WWP2: variants seen among roughly 807,000 people sequenced by gnomAD.
WWP2 encodes the protein WW domain containing E3 ubiquitin protein ligase 2, also known as NEDD4-like E3 ubiquitin-protein ligase WWP2.
WWP2 carries 57 observed loss-of-function variants against 121.0 expected under a neutral mutation model. The ratio of observed to expected loss-of-function variants is 0.47; its 90% CI spans 0.38 to 0.59. The LOEUF (loss-of-function observed/expected upper bound fraction) is 0.59. WWP2 is among the 20% of genes least tolerant of loss of function. The pLI is 0.00. For synonymous variants in WWP2, 449 were observed against 441.3 expected (o/e 1.02, Z -0.22); for missense variants, 962 against 1,158.9 (o/e 0.83, Z 2.47).
intron 6 of WWP2, among the ~76,000 whole-genome samples, chr16:69,870,896 G>A (rs1486456329): frequency 6.6e-6 from 1 of 152,202 alleles, no homozygotes; most frequent in Non-Finnish European, 1.5e-5. Flanking sequence ...GAAGATGTCT[G>A]ATAGGTTTTC....
intron 4 of WWP2, among the ~76,000 whole-genome samples, chr16:69,832,352 C>T (rs368669172): frequency 6.6e-6 from 1 of 151,838 alleles, no homozygotes; most frequent in South Asian, 2.1e-4. Flanking sequence ...ATGAAAATCC[C>T]GACATACTTC....
At chr16:69,815,278 C>T (rs952529388) in intron 4 of WWP2, among the ~76,000 whole-genome samples, 4 of 152,086 alleles carry the variant, frequency 2.6e-5, no homozygotes, top group Admixed American at 2.6e-4. Context: ...GCTGGGATTA[C>T]GGGCGTGAGC....
intron 6 of WWP2, among the ~76,000 whole-genome samples, chr16:69,848,977 A>G (rs938906369): frequency 2.6e-5 from 4 of 152,166 alleles, no homozygotes; most frequent in African/African-American, 4.8e-5. Flanking sequence ...TTTGATGAAA[A>G]CATATCAGAT....
intron 1 of WWP2, among the ~76,000 whole-genome samples, chr16:69,766,352 G>T (rs1042173619): frequency 2.6e-5 from 4 of 152,216 alleles, no homozygotes; most frequent in African/African-American, 9.6e-5. Flanking sequence ...TTCCACCCTG[G>T]CTGGCCTTCA....
At chr16:69,939,739 A>C in intron 23 of WWP2, 102 bp from the exon 24 acceptor site, 2 of 1,067,780 alleles carry the variant, frequency 1.9e-6, no homozygotes, top group Non-Finnish European at 2.7e-6. Context: ...AGCCCTAGCC[A>C]GTGTGGTGCA....
At chr16:69,894,776 G>A (rs1191606378) in intron 8 of WWP2, among the ~76,000 whole-genome samples, 4 of 152,270 alleles carry the variant, frequency 2.6e-5, no homozygotes, top group Non-Finnish European at 5.9e-5. Context: ...TTATCAATGA[G>A]CCAACTGTGT....
At position 69,871,796 on chromosome 16, in the gene WWP2, A is replaced by AC; in HGVS notation, c.576-3dup. The AC allele has an allele frequency of 6.2e-7, 1 of 1,613,584 alleles. No homozygotes were observed. ...TATGTCTGTCTGCTTTCTACTTTGA[A>AC]CCCCCAGGACGCACAGACATTCGGG... On this transcript the variant is annotated splice_region_variant and splice_polypyrimidine_tract_variant and intron_variant, in intron 6 of 23. Transcript: ENST00000359154.
chr16:69,801,308 C>T (rs1266834380), intron 4 of WWP2, among the ~76,000 whole-genome samples: 1 of 147,864 alleles, frequency 6.8e-6, no homozygotes, highest in Non-Finnish European at 1.5e-5. Context: ...CTCGGCTCAC[C>T]GTAGCCTCTG....
Position 69,787,058 on chromosome 16 carries a change from G to C in WWP2, c.48G>C (p.Glu16Asp). 6.2e-7 allele frequency: 1 copy of C among 1,613,562 alleles called. No homozygotes were observed. Among genetic ancestry groups the C allele is most frequent in the Non-Finnish European group, 8.5e-7 (1 of 1,179,778 alleles). The change falls in exon 2 of 24, where the codon GAG becomes GAC. Residue 16 changes from glutamate to aspartate, a missense_variant. By Grantham distance (45) the Glu-to-Asp change is conservative. Transcript: ENST00000359154. ...GGGCAGGAGTGGCCCTGCCTTTTGA[G>C]AAGTCTCAGCTCACTTTGAAAGGTG... ...SSRAGVALPFEKSQLTLKVVS... is the reference protein window; with the variant it reads ...SSRAGVALPFDKSQLTLKVVS...
chr16:69,921,800 G>A (rs1244155177), intron 10 of WWP2, among the ~76,000 whole-genome samples: 7 of 152,126 alleles, frequency 4.6e-5, no homozygotes, highest in African/African-American at 1.7e-4. Context: ...TTGACTGGGC[G>A]CGGTGGCTCA....
chr16:69,901,966 A>G (rs190560495), intron 8 of WWP2, among the ~76,000 whole-genome samples: 17 of 152,340 alleles, frequency 1.1e-4, no homozygotes, highest in Admixed American at 5.9e-4. Flanking sequence ...AAATAAATAT[A>G]TAAATAGAGA....
chr16:69,843,241 T>G (rs748383086), intron 6 of WWP2, among the ~76,000 whole-genome samples: 8 of 152,108 alleles, frequency 5.3e-5, no homozygotes, highest in Non-Finnish European at 1.0e-4. Flanking sequence ...TAATGTTGGT[T>G]AAGACCTCCT....
chr16:69,883,816 T>C (rs2057874237), intron 7 of WWP2, among the ~76,000 whole-genome samples: 1 of 152,160 alleles, frequency 6.6e-6, no homozygotes, highest in Admixed American at 6.6e-5. Context: ...TGTGGACATG[T>C]ACAGCCCTGG....
intron 6 of WWP2, among the ~76,000 whole-genome samples, chr16:69,868,878 G>A (rs2057579158): frequency 6.6e-6 from 1 of 152,088 alleles, no homozygotes; most frequent in African/African-American, 2.4e-5. Flanking sequence ...CTGAGGTGTG[G>A]TTGACAGCTT....
intron 4 of WWP2, among the ~76,000 whole-genome samples, chr16:69,831,884 A>G (rs1190343477): frequency 7.2e-6 from 1 of 138,728 alleles, no homozygotes. Flanking sequence ...GCTGGAGTGC[A>G]GTACCCTGAT....
At chr16:69,912,920 AAAC>A (rs1263378795) in intron 9 of WWP2, among the ~76,000 whole-genome samples, 40 of 514 alleles carry the variant, frequency 0.078, 8 homozygotes, top group Non-Finnish European at 0.096. Flanking sequence ...AGTCTCTACA[AAAC>A]AAAAAAAAAA....
chr16:69,770,495 C>T (rs1373141896), intron 1 of WWP2, among the ~76,000 whole-genome samples: 1 of 152,152 alleles, frequency 6.6e-6, no homozygotes, highest in Non-Finnish European at 1.5e-5. Context: ...TCACATGCCT[C>T]GCCCTACGTC....
At position 69,765,960 on chromosome 16, in the gene WWP2, G is replaced by C. The variant is rs1478564539; in HGVS notation, c.-16+3569G>C. On this transcript the variant is annotated intron_variant, in intron 1 of 23. Coordinates refer to ENST00000359154, the MANE Select transcript of WWP2 (RefSeq NM_001270454.2). ...TTACAGGCATGAACCATTGCACCTGGCTCAGTCTCTTAACTCTAAATACTA... is the reference window on the plus strand; with the variant it reads ...TTACAGGCATGAACCATTGCACCTGCCTCAGTCTCTTAACTCTAAATACTA... Among the ~76,000 whole-genome samples, 4 of 152,050 alleles carry C rather than the reference G, an allele frequency of 2.6e-5. No homozygotes were observed. The East Asian group carries it at 5.8e-4, about 22-fold the overall frequency.
intron 1 of WWP2, among the ~76,000 whole-genome samples, chr16:69,785,080 A>G (rs113420661): frequency 0.12 from 18,965 of 152,086 alleles, 1,466 homozygotes; most frequent in Non-Finnish European, 0.17. Flanking sequence ...TACTAAAAAT[A>G]CAAAAATTAG....
Sources: gnomAD v4.1 joint callset for allele counts (sites outside exome capture counted in the v4.1 genomes callset) on GRCh38, gnomAD v4.1.1 for gene constraint, MANE v1.5 for transcripts, NCBI Gene and HGNC (gene_info 2026-07-23, HGNC 2026-07-21) for gene names.